The following ZNF804B variants were observed in gnomAD, a reference collection of about 807,000 sequenced individuals.
ZNF804B encodes zinc finger 804B.
In ZNF804B, 80 loss-of-function variants were observed where a neutral mutation model predicts 101.4. The observed-to-expected ratio is 0.79, with a 90% CI of 0.66 to 0.95. ZNF804B has a LOEUF of 0.95. ZNF804B is among the 40% of genes least tolerant of loss of function. The pLI, the probability that ZNF804B is intolerant of heterozygous loss-of-function variation, is 0.00. For synonymous variants in ZNF804B, 622 were observed against 558.8 expected (o/e 1.11, Z -1.59); for missense variants, 1,673 against 1,561.9 (o/e 1.07, Z -1.20).
chr7:89,299,808 A>G (rs1417550601), intron 2 of ZNF804B, among the ~76,000 whole-genome samples: 1 of 152,028 alleles, frequency 6.6e-6, no homozygotes, highest in Admixed American at 6.6e-5. Flanking sequence ...ACAGTATTTA[A>G]CATACATATA....
At chr7:88,777,982 A>G (rs886936818) in intron 1 of ZNF804B, among the ~76,000 whole-genome samples, 1 of 152,132 alleles carries the variant, frequency 6.6e-6, no homozygotes, top group Non-Finnish European at 1.5e-5. Context: ...TTTATATTCA[A>G]CTCACACCTC....
At chr7:88,805,179 T>G (rs1049273664) in intron 1 of ZNF804B, among the ~76,000 whole-genome samples, 4 of 152,114 alleles carry the variant, frequency 2.6e-5, no homozygotes, top group African/African-American at 9.7e-5. Flanking sequence ...AGACAGAAAT[T>G]TTATAGTCAG....
chr7:89,335,967 T>G lies in ZNF804B; in HGVS notation c.2985T>G (p.Ser995Arg). Residue 995 changes from serine (S) to arginine (R), a missense_variant, in exon 4 of 4, where the codon AGT becomes AGG. Coordinates refer to ENST00000333190, the MANE Select transcript of ZNF804B (RefSeq NM_181646.5). The stretch of plus-strand genomic sequence containing the variant: ...GTGAGAGCAGAAATGATCAAGACAG[T>G]GCAATTCCAAGGACTACGGAGAAAG... ...YASESRNDQD[S>R]AIPRTTEKDK... 1 of 1,614,028 alleles carries G rather than the reference T, an allele frequency of 6.2e-7. No homozygotes were observed. The highest frequency in any genetic ancestry group is 8.5e-7 in the Non-Finnish European group (1 of 1,179,978).
At chr7:88,944,352 T>C (rs549690405) in intron 1 of ZNF804B, among the ~76,000 whole-genome samples, 140 of 151,958 alleles carry the variant, frequency 9.2e-4, no homozygotes, top group African/African-American at 3.2e-3. Context: ...TAATGACTAA[T>C]GATACTGAAT....
At chr7:88,992,788 T>C (rs946807504) in intron 1 of ZNF804B, among the ~76,000 whole-genome samples, 6 of 152,072 alleles carry the variant, frequency 3.9e-5, no homozygotes, top group Non-Finnish European at 8.8e-5. Context: ...GGACCACTTT[T>C]AGAATTCTGC....
intron 1 of ZNF804B, among the ~76,000 whole-genome samples, chr7:89,167,985 C>T (rs1791169365): frequency 2.0e-5 from 3 of 151,992 alleles, no homozygotes; most frequent in African/African-American, 7.2e-5. Context: ...TCTATTTCAA[C>T]AGAAATAGTA....
intron 1 of ZNF804B, among the ~76,000 whole-genome samples, chr7:88,984,140 A>G (rs759180714): frequency 6.6e-6 from 1 of 152,214 alleles, no homozygotes; most frequent in Non-Finnish European, 1.5e-5. Context: ...CCAGTTAACC[A>G]TGCAGCCTTC....
rs1562946606 is a variant in ZNF804B, at chr7:89,327,332, T to G, written c.250-12T>G. On this transcript the variant is annotated splice_polypyrimidine_tract_variant and intron_variant, in intron 2 of 3. Coordinates refer to ENST00000333190, the MANE Select transcript of ZNF804B (RefSeq NM_181646.5). Reference sequence around the variant, plus strand: ...ATTTATAGTACCTTTTTGGTTTTTCTTCTTTTTCAAGAGACTGAAAGAATT... The same window carrying G: ...ATTTATAGTACCTTTTTGGTTTTTCGTCTTTTTCAAGAGACTGAAAGAATT... The G allele has an allele frequency of 6.3e-7, 1 of 1,576,096 alleles. No individual in the cohort carries two copies. The highest frequency in any genetic ancestry group is 2.0e-5 in the Admixed American group (1 of 49,564).
intron 3 of ZNF804B, among the ~76,000 whole-genome samples, chr7:89,328,075 G>A (rs953815966): frequency 6.6e-6 from 1 of 151,994 alleles, no homozygotes; most frequent in South Asian, 2.1e-4. Context: ...AATTAAATTT[G>A]TGGATTGTGA....
At chr7:89,173,968 G>T (rs1791278928) in intron 1 of ZNF804B, among the ~76,000 whole-genome samples, 1 of 151,814 alleles carries the variant, frequency 6.6e-6, no homozygotes, top group African/African-American at 2.4e-5. Context: ...TACTTAGTAG[G>T]TATATATATT....
chr7:89,196,439 A>T (rs141293161), intron 1 of ZNF804B, among the ~76,000 whole-genome samples: 1 of 152,306 alleles, frequency 6.6e-6, no homozygotes, highest in East Asian at 1.9e-4. Context: ...AGAAAATTGT[A>T]TCTGGACCCC....
rs1017047767 is a variant in ZNF804B, at chr7:88,759,810, C to T, written c.-167C>T. 2.1e-5 allele frequency: 13 copies of T among 614,068 alleles called. No individual in the cohort carries two copies. Among genetic ancestry groups the T allele is most frequent in the Non-Finnish European group, 2.9e-5 (10 of 346,502 alleles). 38.0% of individuals were successfully genotyped at this position (614,068 alleles called of 1,614,324 possible). On this transcript the variant is annotated 5_prime_UTR_variant, in exon 1 of 4. Coordinates refer to ENST00000333190, the MANE Select transcript of ZNF804B (RefSeq NM_181646.5). ...CAGCAGCTGTCGGCAGCAGGAGCCCCGCACGGGGCGCGGAGCAGGGACGCG... is the reference window on the plus strand; with the variant it reads ...CAGCAGCTGTCGGCAGCAGGAGCCCTGCACGGGGCGCGGAGCAGGGACGCG...
chr7:88,983,866 C>T (rs910828012), intron 1 of ZNF804B, among the ~76,000 whole-genome samples: 5 of 151,902 alleles, frequency 3.3e-5, no homozygotes, highest in Non-Finnish European at 7.4e-5. Context: ...TGATCATTTA[C>T]CTTGAAAATT....
intron 1 of ZNF804B, among the ~76,000 whole-genome samples, chr7:89,120,993 A>G (rs1790396109): frequency 6.6e-6 from 1 of 152,200 alleles, no homozygotes; most frequent in Non-Finnish European, 1.5e-5. Flanking sequence ...CATTTTGCAT[A>G]TATTAAACGA....
At chr7:89,183,288 C>T (rs1788326790) in intron 1 of ZNF804B, among the ~76,000 whole-genome samples, 1 of 152,012 alleles carries the variant, frequency 6.6e-6, no homozygotes, top group East Asian at 1.9e-4. Context: ...TGTACCGAAG[C>T]CAGATCCTGG....
intron 1 of ZNF804B, among the ~76,000 whole-genome samples, chr7:89,026,376 G>A (rs1234223814): frequency 6.6e-6 from 1 of 152,106 alleles, no homozygotes; most frequent in East Asian, 1.9e-4. Flanking sequence ...GCTGGGACAC[G>A]GTTTTGCTAA....
At chr7:88,921,281 G>A (rs1247421671) in intron 1 of ZNF804B, among the ~76,000 whole-genome samples, 1 of 151,948 alleles carries the variant, frequency 6.6e-6, no homozygotes, top group African/African-American at 2.4e-5. Flanking sequence ...GAAGTATCAA[G>A]TTTTACTAAT....
At chr7:88,849,177 G>T (rs1791416435) in intron 1 of ZNF804B, among the ~76,000 whole-genome samples, 1 of 151,854 alleles carries the variant, frequency 6.6e-6, no homozygotes, top group African/African-American at 2.4e-5. Flanking sequence ...TTCTCATCAG[G>T]CACATTTCCC....
At chr7:88,804,465 ACT>A (rs1431826248) in intron 1 of ZNF804B, among the ~76,000 whole-genome samples, 1 of 151,694 alleles carries the variant, frequency 6.6e-6, no homozygotes, top group Non-Finnish European at 1.5e-5. Flanking sequence ...ATAACACTAA[ACT>A]CTCAGTTATG....
Sources: allele counts gnomAD v4.1 joint callset (sites outside exome capture counted in the v4.1 genomes callset), GRCh38; gene constraint gnomAD v4.1.1; transcripts MANE v1.5; gene names NCBI Gene and HGNC (gene_info 2026-07-23, HGNC 2026-07-21).